FGF14: variants seen among roughly 807,000 people sequenced by gnomAD.
The protein encoded by FGF14 is fibroblast growth factor homologous factor 4.
A neutral mutation model predicts 25.5 loss-of-function variants in FGF14; 5 were observed. That is an observed-to-expected ratio of 0.20 (90% CI 0.10 to 0.41). The LOEUF is 0.41. Among genes scored for constraint, FGF14 ranks in the 10% least tolerant of loss-of-function variants. The pLI is 1.00. For synonymous variants in FGF14, 138 were observed against 118.3 expected (o/e 1.17, Z -1.08); for missense variants, 222 against 320.1 (o/e 0.69, Z 2.34).
intron 1 of FGF14, among the ~76,000 whole-genome samples, chr13:101,913,113 T>C (rs1282306493): frequency 1.3e-5 from 2 of 152,218 alleles, no homozygotes; most frequent in Non-Finnish European, 2.9e-5. Flanking sequence ...CTCTCAGCTT[T>C]TCAAAATGAG....
intron 1 of FGF14, among the ~76,000 whole-genome samples, chr13:102,182,075 C>T (rs935978352): frequency 6.6e-6 from 1 of 151,984 alleles, no homozygotes; most frequent in Non-Finnish European, 1.5e-5. Flanking sequence ...ACTCCTGGAC[C>T]CTGCATTGTG....
chr13:101,828,383 G>A (rs994261360), intron 3 of FGF14, among the ~76,000 whole-genome samples: 2 of 151,728 alleles, frequency 1.3e-5, no homozygotes, highest in Non-Finnish European at 2.9e-5. Context: ...GAACATACTC[G>A]TCCCTGGTAA....
intron 1 of FGF14, among the ~76,000 whole-genome samples, chr13:102,201,252 A>AATCC: frequency 6.6e-6 from 1 of 152,004 alleles, no homozygotes; most frequent in Non-Finnish European, 1.5e-5. Flanking sequence ...GTTTCCTTTG[A>AATCC]ATCCATCTCT....
chr13:102,365,971 C>T (rs2057700009), intron 1 of FGF14, among the ~76,000 whole-genome samples: 1 of 152,026 alleles, frequency 6.6e-6, no homozygotes. Flanking sequence ...CTGTCATTTG[C>T]CCAACTGTCA....
At chr13:102,375,459 T>G (rs191011515) in intron 1 of FGF14, among the ~76,000 whole-genome samples, 1 of 152,298 alleles carries the variant, frequency 6.6e-6, no homozygotes, top group East Asian at 1.9e-4. Context: ...AATCAACTCT[T>G]TGACTCAATT....
intron 3 of FGF14, among the ~76,000 whole-genome samples, chr13:101,788,484 TAA>T (rs2039984345): frequency 1.3e-5 from 2 of 152,090 alleles, no homozygotes; most frequent in Non-Finnish European, 2.9e-5. Context: ...GCTAGTATAA[TAA>T]AAAGAGGCAG....
intron 3 of FGF14, among the ~76,000 whole-genome samples, chr13:101,748,135 G>T (rs1341833837): frequency 6.6e-6 from 1 of 151,530 alleles, no homozygotes; most frequent in Non-Finnish European, 1.5e-5. Flanking sequence ...CAAAAGAAAA[G>T]AAATTATTCT....
At chr13:101,950,751 GTTTTT>G (rs61285721) in intron 1 of FGF14, among the ~76,000 whole-genome samples, 1,793 of 131,968 alleles carry the variant, frequency 0.014, 36 homozygotes, top group African/African-American at 0.045. Context: ...ACCTAATCAT[GTTTTT>G]TTTTTTTTTT....
chr13:102,326,640 A>AAGGGAGGGG (rs1367514790), intron 1 of FGF14, among the ~76,000 whole-genome samples: 30 of 126,020 alleles, frequency 2.4e-4, no homozygotes, highest in South Asian at 6.1e-4. Flanking sequence ...AAAGGGAGGG[A>AAGGGAGGGG]AAGGGAGGAG....
In FGF14 at chr13:101,888,148, G is replaced by T. The variant is rs186363572; in HGVS notation, c.194-12852C>A. ...GCAGTCTGCAGGCAGCTCTGGGCAC[G>T]CATGAAACTCAAGCTAAAAGTCTGC... is the stretch of plus-strand genomic sequence containing the variant. On this transcript the variant is annotated intron_variant, in intron 1 of 4. Transcript: ENST00000376143. Among the ~76,000 whole-genome samples the T allele has an allele frequency of 6.4e-4, 97 of 152,226 alleles. No individual in the cohort carries two copies. In the Middle Eastern group the frequency reaches 0.017, roughly 27 times the overall value.
At chr13:101,763,806 G>A (rs2038207177) in intron 3 of FGF14, among the ~76,000 whole-genome samples, 1 of 152,152 alleles carries the variant, frequency 6.6e-6, no homozygotes, top group Non-Finnish European at 1.5e-5. Flanking sequence ...GTTGCAGTGA[G>A]CCGAGATTGC....
intron 1 of FGF14, among the ~76,000 whole-genome samples, chr13:101,964,766 C>G (rs1358969786): frequency 1.3e-5 from 2 of 148,756 alleles, no homozygotes; most frequent in African/African-American, 4.9e-5. Context: ...CATTTTTTTT[C>G]TTTCTTTTCA....
At chr13:101,795,087 T>G (rs28516633) in intron 3 of FGF14, among the ~76,000 whole-genome samples, 3,857 of 152,264 alleles carry the variant, frequency 0.025, 151 homozygotes, top group African/African-American at 0.088. Context: ...GTTGGCCAGA[T>G]AGTAAATAAT....
At chr13:101,914,338 G>T (rs928807170) in intron 1 of FGF14, among the ~76,000 whole-genome samples, 1 of 151,548 alleles carries the variant, frequency 6.6e-6, no homozygotes, top group African/African-American at 2.4e-5. Context: ...ATACTCAAGA[G>T]ATATATCTGT....
intron 1 of FGF14, among the ~76,000 whole-genome samples, chr13:102,260,419 C>T (rs1241512376): frequency 2.0e-5 from 3 of 152,226 alleles, no homozygotes; most frequent in African/African-American, 7.2e-5. Context: ...CCTCCAGGCA[C>T]TGGCGTGGCA....
At chr13:101,938,234 C>T (rs1489487391) in intron 1 of FGF14, among the ~76,000 whole-genome samples, 7 of 152,100 alleles carry the variant, frequency 4.6e-5, no homozygotes, top group African/African-American at 1.7e-4. Flanking sequence ...AGCACCATCC[C>T]CTTGCAGACA....
intron 1 of FGF14, among the ~76,000 whole-genome samples, chr13:102,352,529 T>C (rs2057312974): frequency 6.6e-6 from 1 of 152,160 alleles, no homozygotes; most frequent in African/African-American, 2.4e-5. Flanking sequence ...TGTTAAGATA[T>C]TGGCCGGGCG....
chr13:102,275,087 C>T (rs1037151435), intron 1 of FGF14, among the ~76,000 whole-genome samples: 1 of 151,914 alleles, frequency 6.6e-6, no homozygotes, highest in African/African-American at 2.4e-5. Context: ...ATATTTGAAG[C>T]ATTTTCTCCT....
intron 1 of FGF14, among the ~76,000 whole-genome samples, chr13:101,977,342 A>T (rs2037989622): frequency 6.6e-6 from 1 of 151,454 alleles, no homozygotes; most frequent in Admixed American, 6.6e-5. Flanking sequence ...GTGAAAAAAA[A>T]ATGATTTTTT....
Sources: gnomAD v4.1 joint callset for allele counts (sites outside exome capture counted in the v4.1 genomes callset) on GRCh38, gnomAD v4.1.1 for gene constraint, MANE v1.5 for transcripts, NCBI Gene and HGNC (gene_info 2026-07-23, HGNC 2026-07-21) for gene names.